Variants in COL19A1 observed in about 807,000 individuals in gnomAD.
The protein encoded by COL19A1 is collagen alpha-1(XIX) chain.
In COL19A1, 159 loss-of-function variants were observed where a neutral mutation model predicts 190.2. That is an observed-to-expected ratio of 0.84 (90% CI 0.73 to 0.95). The LOEUF (loss-of-function observed/expected upper bound fraction) is 0.95. COL19A1 is among the 40% of genes least tolerant of loss of function. The probability of loss-of-function intolerance (pLI) is 0.00; values close to 1 mark genes in which losing one functional copy is unlikely to be tolerated. For missense variants in COL19A1, 1,418 were observed against 1,431.9 expected, an observed-to-expected ratio of 0.99 and a Z score of 0.16; for synonymous variants, 509 against 458.9, an observed-to-expected ratio of 1.11 and a Z score of -1.39.
At chr6:70,179,067 G>C (rs1464379341) in intron 42 of COL19A1, among the ~76,000 whole-genome samples, 2 of 152,052 alleles carry the variant, frequency 1.3e-5, no homozygotes, top group Non-Finnish European at 2.9e-5. Context: ...TCAGGTCATT[G>C]GCCTTCTCAG....
chr6:70,007,466 A>G (rs1477453946), intron 11 of COL19A1, among the ~76,000 whole-genome samples: 4 of 152,056 alleles, frequency 2.6e-5, no homozygotes, highest in African/African-American at 4.8e-5. Flanking sequence ...GACAAGTGAC[A>G]TTATTGGAGA....
intron 23 of COL19A1, among the ~76,000 whole-genome samples, chr6:70,143,601 G>C (rs1280722756): frequency 1.3e-5 from 2 of 151,806 alleles, no homozygotes; most frequent in Non-Finnish European, 2.9e-5. Flanking sequence ...CATGCTCACC[G>C]CTTGAGCCTC....
intron 15 of COL19A1, among the ~76,000 whole-genome samples, chr6:70,097,482 A>G (rs988017786): frequency 2.0e-5 from 3 of 151,392 alleles, no homozygotes; most frequent in African/African-American, 4.8e-5. Flanking sequence ...CTTGATCCTG[A>G]GGAGGATTGT....
At position 70,184,734 on chromosome 6, in the gene COL19A1, C is replaced by T. The variant is rs760394075; in HGVS notation, c.2807C>T (p.Ala936Val). The T allele has an allele frequency of 3.1e-6, 5 of 1,599,468 alleles. No homozygotes were observed. The Admixed American group carries it at 8.4e-5, about 27-fold the overall frequency. The change falls in exon 45 of 51, where the codon GCT (alanine) becomes GTT (valine). Residue 936 changes from alanine (A) to valine (V), a missense_variant. Transcript: ENST00000620364. ...AATGGAAAAGATGGAATACCAGGTGCTCAGGTATGGGAAATATGATTTAAA... is the reference window on the plus strand; with the variant it reads ...AATGGAAAAGATGGAATACCAGGTGTTCAGGTATGGGAAATATGATTTAAA... ...GINGKDGIPG[A>V]QGIMGKPGDR... is the part of the protein sequence containing the mutation.
chr6:70,039,329 C>G (rs941825574), intron 14 of COL19A1, among the ~76,000 whole-genome samples: 1 of 152,184 alleles, frequency 6.6e-6, no homozygotes, highest in Non-Finnish European at 1.5e-5. Flanking sequence ...ACTCATTACA[C>G]TAGTATTTAT....
At chr6:70,075,744 G>T (rs1183429535) in intron 15 of COL19A1, among the ~76,000 whole-genome samples, 1 of 151,382 alleles carries the variant, frequency 6.6e-6, no homozygotes, top group African/African-American at 2.4e-5. Flanking sequence ...ACTTGAGATA[G>T]AAGAGACAAA....
At chr6:70,074,923 T>A (rs1032338977) in intron 15 of COL19A1, among the ~76,000 whole-genome samples, 1 of 152,196 alleles carries the variant, frequency 6.6e-6, no homozygotes, top group East Asian at 1.9e-4. Flanking sequence ...CTTTAAATAA[T>A]AGTTTTAACT....
intron 4 of COL19A1, among the ~76,000 whole-genome samples, chr6:69,901,092 G>A (rs1347547006): frequency 1.3e-5 from 2 of 152,080 alleles, no homozygotes; most frequent in African/African-American, 4.8e-5. Context: ...TATTCCTGGA[G>A]TCCAAGATGA....
chr6:70,088,243 C>T (rs1435263073), intron 15 of COL19A1, among the ~76,000 whole-genome samples: 1 of 152,130 alleles, frequency 6.6e-6, no homozygotes, highest in African/African-American at 2.4e-5. Context: ...TATATTCTAG[C>T]CCACTATCTT....
intron 47 of COL19A1, among the ~76,000 whole-genome samples, chr6:70,188,600 C>G (rs192332482): frequency 6.6e-6 from 1 of 152,310 alleles, no homozygotes; most frequent in East Asian, 1.9e-4. Context: ...GGTACTGTCT[C>G]TAATGTCTCC....
At chr6:70,190,614 A>G (rs1345804910) in intron 48 of COL19A1, among the ~76,000 whole-genome samples, 2 of 152,242 alleles carry the variant, frequency 1.3e-5, no homozygotes, top group African/African-American at 2.4e-5. Context: ...CAACACAGGT[A>G]AAGTACCTGC....
intron 30 of COL19A1, among the ~76,000 whole-genome samples, chr6:70,150,782 A>G (rs1247604636): frequency 2.0e-5 from 3 of 152,132 alleles, no homozygotes; most frequent in Admixed American, 1.3e-4. Flanking sequence ...CTTTAACGCC[A>G]CTGTTGAGTG....
intron 14 of COL19A1, among the ~76,000 whole-genome samples, chr6:70,053,185 T>A (rs1354812058): frequency 6.6e-6 from 1 of 152,214 alleles, no homozygotes; most frequent in African/African-American, 2.4e-5. Flanking sequence ...TATTTGCTTG[T>A]TATGGTTCTG....
intron 46 of COL19A1, among the ~76,000 whole-genome samples, chr6:70,186,875 T>TTTTTG (rs1235550713): frequency 1.3e-5 from 2 of 152,150 alleles, no homozygotes; most frequent in South Asian, 2.1e-4. Context: ...GATTCTTGTT[T>TTTTTG]TTTTGTTTTG....
At chr6:70,187,177 G>A (rs376281677) in intron 46 of COL19A1, among the ~76,000 whole-genome samples, 95 of 152,234 alleles carry the variant, frequency 6.2e-4, no homozygotes, top group South Asian at 2.5e-3. Flanking sequence ...ACCGCGCCTG[G>A]CCCAACTGAT....
At chr6:70,027,607 T>C (rs1778798291) in intron 12 of COL19A1, among the ~76,000 whole-genome samples, 1 of 150,042 alleles carries the variant, frequency 6.7e-6, no homozygotes, top group Non-Finnish European at 1.5e-5. Context: ...GCCTAAACTT[T>C]TGTTTGATGT....
chr6:69,990,973 A>G (rs1464402007), intron 11 of COL19A1, among the ~76,000 whole-genome samples: 1 of 151,966 alleles, frequency 6.6e-6, no homozygotes, highest in Non-Finnish European at 1.5e-5. Flanking sequence ...GGTTTGGTGT[A>G]CAGATTATTT....
At chr6:70,195,400 G>A (rs1389055547) in intron 48 of COL19A1, among the ~76,000 whole-genome samples, 1 of 152,052 alleles carries the variant, frequency 6.6e-6, no homozygotes, top group African/African-American at 2.4e-5. Flanking sequence ...GGCTTTTTAA[G>A]TGAGGGACCC....
chr6:70,108,740 T>C (rs879700754), intron 16 of COL19A1, among the ~76,000 whole-genome samples: 3 of 152,110 alleles, frequency 2.0e-5, no homozygotes, highest in Non-Finnish European at 4.4e-5. Context: ...TCTGCAGCAT[T>C]AATTTTTGGG....
Sources: gnomAD v4.1 joint callset for allele counts (sites outside exome capture counted in the v4.1 genomes callset) on GRCh38, gnomAD v4.1.1 for gene constraint, MANE v1.5 for transcripts, NCBI Gene and HGNC (gene_info 2026-07-23, HGNC 2026-07-21) for gene names.